DGKB: variants seen among roughly 807,000 people sequenced by gnomAD.
DGKB encodes the protein 90 kDa diacylglycerol kinase.
DGKB carries 67 observed loss-of-function variants against 114.3 expected under a neutral mutation model. That is an observed-to-expected ratio of 0.59 (90% CI 0.48 to 0.72). The LOEUF is 0.72. DGKB is among the 30% of genes least tolerant of loss of function. The pLI, the probability that DGKB is intolerant of heterozygous loss-of-function variation, is 0.00. For missense variants in DGKB, 907 were observed against 975.2 expected (o/e 0.93, Z 0.93); for synonymous variants, 398 against 323.1 (o/e 1.23, Z -2.49).
At chr7:14,767,182 C>T (rs541205802) in intron 2 of DGKB, among the ~76,000 whole-genome samples, 2 of 151,314 alleles carry the variant, frequency 1.3e-5, no homozygotes, top group South Asian at 2.1e-4. Flanking sequence ...AGAAATTATT[C>T]AGTCGAGAGA....
At chr7:14,913,775 A>G (rs1784104759) in intron 1 of DGKB, among the ~76,000 whole-genome samples, 1 of 152,130 alleles carries the variant, frequency 6.6e-6, no homozygotes, top group African/African-American at 2.4e-5. Flanking sequence ...TCACTCCAAC[A>G]TATAAAGGGC....
chr7:14,723,134 G>T (rs149617896), intron 5 of DGKB, among the ~76,000 whole-genome samples: 76 of 151,718 alleles, frequency 5.0e-4, no homozygotes, highest in African/African-American at 1.8e-3. Flanking sequence ...TAAGAAGTTT[G>T]CACTAATCTA....
chr7:14,915,663 G>A (rs934048517), intron 1 of DGKB, among the ~76,000 whole-genome samples: 14 of 152,014 alleles, frequency 9.2e-5, no homozygotes, highest in African/African-American at 3.4e-4. Context: ...GTGGAGACAA[G>A]TATTTAAAGT....
intron 23 of DGKB, among the ~76,000 whole-genome samples, chr7:14,293,729 C>A (rs1355593307): frequency 6.6e-6 from 1 of 152,112 alleles, no homozygotes; most frequent in Non-Finnish European, 1.5e-5. Flanking sequence ...ATAATCCATC[C>A]TTCACAGGCT....
At chr7:14,809,531 G>A (rs139341498) in intron 2 of DGKB, among the ~76,000 whole-genome samples, 1 of 152,194 alleles carries the variant, frequency 6.6e-6, no homozygotes, top group African/African-American at 2.4e-5. Context: ...AAGAAATGCA[G>A]GGCTTTTCCA....
At chr7:14,920,982 A>T (rs1784486985) in intron 1 of DGKB, among the ~76,000 whole-genome samples, 1 of 152,100 alleles carries the variant, frequency 6.6e-6, no homozygotes, top group Non-Finnish European at 1.5e-5. Flanking sequence ...TCAGGGACAC[A>T]TGTGCAGATT....
intron 6 of DGKB, 24 bp downstream of exon 6, chr7:14,718,518 T>C (rs1421355669): frequency 1.9e-6 from 3 of 1,594,068 alleles, no homozygotes; most frequent in East Asian, 2.3e-5. Flanking sequence ...TCACGATAAG[T>C]AAACAAAATG....
chr7:14,872,388 A>G (rs1314938066), intron 1 of DGKB, among the ~76,000 whole-genome samples: 6 of 152,188 alleles, frequency 3.9e-5, no homozygotes, highest in African/African-American at 1.4e-4. Flanking sequence ...GGCAAATACT[A>G]CCGGTTGACT....
chr7:14,217,270 T>C (rs1016692340), intron 23 of DGKB, among the ~76,000 whole-genome samples: 3 of 152,212 alleles, frequency 2.0e-5, no homozygotes, highest in African/African-American at 7.2e-5. Flanking sequence ...TAATACTTTT[T>C]ATAATTGTGA....
chr7:14,546,924 G>A (rs773867086), intron 20 of DGKB, among the ~76,000 whole-genome samples: 2 of 152,034 alleles, frequency 1.3e-5, no homozygotes, highest in Non-Finnish European at 2.9e-5. Flanking sequence ...TTTTCTTTCT[G>A]TACTTAGTCT....
chr7:14,249,910 G>C (rs1209726318), intron 23 of DGKB, among the ~76,000 whole-genome samples: 1 of 151,618 alleles, frequency 6.6e-6, no homozygotes, highest in African/African-American at 2.4e-5. Context: ...GCTTCTTGAA[G>C]TAGAACATCA....
At position 14,197,670 on chromosome 7, in the gene DGKB, C is replaced by T. The variant is rs377622736; in HGVS notation, c.2123-19519G>A. 3.3e-5 allele frequency among the ~76,000 whole-genome samples: 5 copies of T among 152,138 alleles called. No individual in the cohort carries two copies. The East Asian group carries it at 5.8e-4, about 18-fold the overall frequency. The stretch of plus-strand genomic sequence containing the variant: ...CTTTTACCAGATAGTTTAAAGCTTC[C>T]ATATAGAACCATCCTATTATTTTTT... On this transcript the variant is annotated intron_variant, in intron 23 of 25. Transcript: ENST00000402815.
chr7:14,734,630 C>T (rs1441727129), intron 5 of DGKB, among the ~76,000 whole-genome samples: 2 of 152,138 alleles, frequency 1.3e-5, no homozygotes, highest in African/African-American at 4.8e-5. Context: ...TGCAATTATG[C>T]AAAACAATGC....
At chr7:14,312,737 G>T (rs1218996066) in intron 23 of DGKB, among the ~76,000 whole-genome samples, 1 of 152,146 alleles carries the variant, frequency 6.6e-6, no homozygotes, top group Non-Finnish European at 1.5e-5. Flanking sequence ...GTATCTTGGG[G>T]TAGTTGGCAG....
chr7:14,654,732 A>C (rs1035068630), intron 13 of DGKB, among the ~76,000 whole-genome samples: 1 of 152,090 alleles, frequency 6.6e-6, no homozygotes, highest in African/African-American at 2.4e-5. Context: ...TATGTATTTT[A>C]CAGTCAACTC....
At chr7:14,165,036 G>A (rs533624096) in intron 25 of DGKB, among the ~76,000 whole-genome samples, 4 of 152,048 alleles carry the variant, frequency 2.6e-5, no homozygotes, top group Non-Finnish European at 5.9e-5. Context: ...AGACAAGACC[G>A]TGGATTCCAG....
chr7:14,687,872 G>A (rs1821997587), intron 9 of DGKB, among the ~76,000 whole-genome samples: 1 of 152,176 alleles, frequency 6.6e-6, no homozygotes, highest in Non-Finnish European at 1.5e-5. Context: ...GAACGTGGGT[G>A]TTCTGTCAAT....
intron 9 of DGKB, among the ~76,000 whole-genome samples, chr7:14,687,754 T>A (rs778510255): frequency 1.1e-4 from 17 of 152,218 alleles, no homozygotes; most frequent in Non-Finnish European, 2.1e-4. Flanking sequence ...ATTCTTGTCG[T>A]TTTATTTTTA....
intron 1 of DGKB, among the ~76,000 whole-genome samples, chr7:14,939,026 T>C (rs1284887420): frequency 1.3e-5 from 2 of 152,134 alleles, no homozygotes; most frequent in African/African-American, 4.8e-5. Context: ...TTCACACACA[T>C]TGCTGTCCTA....
Sources: gnomAD v4.1 joint callset for allele counts (sites outside exome capture counted in the v4.1 genomes callset) on GRCh38, gnomAD v4.1.1 for gene constraint, MANE v1.5 for transcripts, NCBI Gene and HGNC (gene_info 2026-07-23, HGNC 2026-07-21) for gene names.